GRID2: variants seen among roughly 807,000 people sequenced by gnomAD.
The protein encoded by GRID2 is glutamate receptor ionotropic, delta-2.
A neutral mutation model predicts 114.8 loss-of-function variants in GRID2; 33 were observed. The ratio of observed to expected loss-of-function variants is 0.29; its 90% confidence interval spans 0.22 to 0.38. GRID2 has a LOEUF of 0.38. Among genes scored for constraint, GRID2 ranks in the 10% least tolerant of loss-of-function variants. GRID2 has a pLI of 1.00. For missense variants in GRID2, 1,184 were observed against 1,257.7 expected (o/e 0.94, Z 0.89); for synonymous variants, 505 against 449.9 (o/e 1.12, Z -1.55).
At chr4:93,656,570 T>C (rs971825819) in intron 14 of GRID2, among the ~76,000 whole-genome samples, 2 of 151,658 alleles carry the variant, frequency 1.3e-5, no homozygotes, top group Non-Finnish European at 2.9e-5. Flanking sequence ...GTGGCTCACG[T>C]CTGTAATCCC....
chr4:93,116,709 C>T (rs928384353), intron 4 of GRID2, among the ~76,000 whole-genome samples: 1 of 151,608 alleles, frequency 6.6e-6, no homozygotes, highest in African/African-American at 2.4e-5. Flanking sequence ...TAGTTTCCGG[C>T]CTTGCTGGGA....
At chr4:92,993,773 A>G (rs1035501588) in intron 2 of GRID2, among the ~76,000 whole-genome samples, 2 of 152,218 alleles carry the variant, frequency 1.3e-5, no homozygotes, top group Admixed American at 6.5e-5. Flanking sequence ...TTAAGTATCT[A>G]TTATGAGTCA....
chr4:93,298,132 C>T (rs1274760535), intron 8 of GRID2, among the ~76,000 whole-genome samples: 2 of 152,152 alleles, frequency 1.3e-5, no homozygotes, highest in Non-Finnish European at 2.9e-5. Flanking sequence ...TGTTAGTCTT[C>T]CCTGTTCAGC....
chr4:93,128,626 A>G (rs1024955844), intron 4 of GRID2, among the ~76,000 whole-genome samples: 2 of 152,160 alleles, frequency 1.3e-5, no homozygotes, highest in African/African-American at 4.8e-5. Context: ...CCTCATTGCT[A>G]AACTGTCCTA....
chr4:92,471,665 C>G (rs988377083), intron 1 of GRID2, among the ~76,000 whole-genome samples: 1 of 152,026 alleles, frequency 6.6e-6, no homozygotes, highest in Admixed American at 6.6e-5. Context: ...AAATTGTACA[C>G]TTTGATAAAT....
intron 1 of GRID2, among the ~76,000 whole-genome samples, chr4:92,482,997 A>C (rs930365265): frequency 2.0e-5 from 3 of 152,200 alleles, no homozygotes; most frequent in Non-Finnish European, 4.4e-5. Context: ...GACAGAATAC[A>C]CTAGACACAT....
chr4:92,670,060 C>T (rs190522664), intron 2 of GRID2, among the ~76,000 whole-genome samples: 13 of 152,054 alleles, frequency 8.5e-5, no homozygotes, highest in Non-Finnish European at 1.3e-4. Context: ...TCTTCATTCT[C>T]GCTACTGTAA....
chr4:92,848,201 C>A (rs1339978412), intron 2 of GRID2, among the ~76,000 whole-genome samples: 1 of 149,300 alleles, frequency 6.7e-6, no homozygotes, highest in Non-Finnish European at 1.5e-5. Flanking sequence ...TCAACAAACA[C>A]AATCACACAT....
intron 14 of GRID2, among the ~76,000 whole-genome samples, chr4:93,735,904 G>A (rs938731781): frequency 6.6e-6 from 1 of 151,930 alleles, no homozygotes; most frequent in African/African-American, 2.4e-5. Context: ...ACTGACATAT[G>A]CCTAGCATTC....
chr4:93,413,013 T>A (rs1169490734), intron 9 of GRID2, among the ~76,000 whole-genome samples: 4 of 152,174 alleles, frequency 2.6e-5, no homozygotes, highest in African/African-American at 9.7e-5. Flanking sequence ...GCATTTGGGT[T>A]GGTTCCAAGT....
chr4:93,551,764 T>A (rs1733772845), intron 13 of GRID2, among the ~76,000 whole-genome samples: 1 of 152,204 alleles, frequency 6.6e-6, no homozygotes, highest in African/African-American at 2.4e-5. Flanking sequence ...AAACTGCAAT[T>A]GCTTTTGCAC....
chr4:92,686,909 C>A (rs1733934600), intron 2 of GRID2, among the ~76,000 whole-genome samples: 1 of 151,968 alleles, frequency 6.6e-6, no homozygotes, highest in South Asian at 2.1e-4. Flanking sequence ...TGTGTTTCAG[C>A]AATTTTATAA....
At chr4:92,777,735 GAA>G (rs766420473) in intron 2 of GRID2, among the ~76,000 whole-genome samples, 8 of 113,272 alleles carry the variant, frequency 7.1e-5, no homozygotes, top group Admixed American at 1.9e-4. Context: ...CATGTGCACA[GAA>G]AAAAAAAAAA....
intron 14 of GRID2, among the ~76,000 whole-genome samples, chr4:93,731,016 C>T (rs1185669210): frequency 3.3e-5 from 5 of 152,210 alleles, no homozygotes; most frequent in African/African-American, 4.8e-5. Flanking sequence ...GCAAAGCTTT[C>T]GTCACTGACT....
chr4:92,612,586 G>T (rs1389901646), intron 2 of GRID2, among the ~76,000 whole-genome samples: 2 of 151,362 alleles, frequency 1.3e-5, no homozygotes, highest in Admixed American at 1.3e-4. Context: ...TATGAATTTA[G>T]AATACATATC....
chr4:93,115,934 G>A (rs887553718), intron 4 of GRID2, among the ~76,000 whole-genome samples: 3 of 152,098 alleles, frequency 2.0e-5, no homozygotes, highest in Non-Finnish European at 4.4e-5. Flanking sequence ...AACCATATCA[G>A]TAGATTAAAT....
At chr4:93,012,917 AT>A (rs1722331548) in intron 2 of GRID2, among the ~76,000 whole-genome samples, 1 of 152,044 alleles carries the variant, frequency 6.6e-6, no homozygotes, top group Non-Finnish European at 1.5e-5. Flanking sequence ...TGACATATAT[AT>A]ATAAAACATT....
chr4:93,393,841 G>C (rs9307123), intron 8 of GRID2, among the ~76,000 whole-genome samples: 36,324 of 151,846 alleles, frequency 0.24, 6,946 homozygotes, highest in African/African-American at 0.53. Flanking sequence ...GTTCACCAAA[G>C]TTAAGAGACG....
intron 8 of GRID2, among the ~76,000 whole-genome samples, chr4:93,322,944 A>T (rs533972976): frequency 6.4e-4 from 97 of 152,128 alleles, no homozygotes; most frequent in African/African-American, 2.1e-3. Flanking sequence ...TTCTGGATAT[A>T]AGCCCTTTGT....
Sources: gnomAD v4.1 joint callset for allele counts (sites outside exome capture counted in the v4.1 genomes callset) on GRCh38, gnomAD v4.1.1 for gene constraint, MANE v1.5 for transcripts, NCBI Gene and HGNC (gene_info 2026-07-23, HGNC 2026-07-21) for gene names.